KCNMB2: variants seen among roughly 807,000 people sequenced by gnomAD.
The protein encoded by KCNMB2 is potassium calcium-activated channel subfamily M regulatory beta subunit 2.
In KCNMB2, 9 loss-of-function variants were observed where a neutral mutation model predicts 24.5. That is an observed-to-expected ratio of 0.37 (90% CI 0.22 to 0.64). KCNMB2 has a LOEUF of 0.64. KCNMB2 is among the 30% of genes least tolerant of loss of function. The pLI, the probability that KCNMB2 is intolerant of heterozygous loss-of-function variation, is 0.63. For synonymous variants in KCNMB2, 109 were observed against 104.4 expected, an observed-to-expected ratio of 1.04 and a Z score of -0.27; for missense variants, 226 against 284.3, an observed-to-expected ratio of 0.79 and a Z score of 1.47.
chr3:178,797,516 G>A (rs1355537623), intron 1 of KCNMB2, among the ~76,000 whole-genome samples: 1 of 152,100 alleles, frequency 6.6e-6, no homozygotes, highest in Non-Finnish European at 1.5e-5. Flanking sequence ...ACATTAAAAA[G>A]ATAATTCATC....
chr3:178,557,835 A>C (rs551444413), intron 1 of KCNMB2, among the ~76,000 whole-genome samples: 1 of 152,188 alleles, frequency 6.6e-6, no homozygotes, highest in Non-Finnish European at 1.5e-5. Context: ...AATTATGAGT[A>C]AACTAGGGTT....
At chr3:178,554,062 C>T (rs894890326) in intron 1 of KCNMB2, among the ~76,000 whole-genome samples, 5 of 152,040 alleles carry the variant, frequency 3.3e-5, no homozygotes, top group African/African-American at 1.2e-4. Flanking sequence ...ATGATTATCT[C>T]ATCTCATGCT....
intron 1 of KCNMB2, among the ~76,000 whole-genome samples, chr3:178,537,985 T>C (rs1715465059): frequency 6.6e-6 from 1 of 152,192 alleles, no homozygotes; most frequent in African/African-American, 2.4e-5. Flanking sequence ...AGAAATAAAA[T>C]TGGAAGATGA....
At chr3:178,774,961 A>C (rs879328770) in intron 1 of KCNMB2, among the ~76,000 whole-genome samples, 4 of 152,328 alleles carry the variant, frequency 2.6e-5, no homozygotes, top group South Asian at 2.1e-4. Context: ...AAAGAGTTCA[A>C]CTTCTGGAGG....
At chr3:178,737,379 T>G (rs1039121412) in intron 1 of KCNMB2, among the ~76,000 whole-genome samples, 1 of 152,108 alleles carries the variant, frequency 6.6e-6, no homozygotes, top group Non-Finnish European at 1.5e-5. Flanking sequence ...AACAGGGTTG[T>G]TTGTTTGTTT....
intron 1 of KCNMB2, among the ~76,000 whole-genome samples, chr3:178,581,568 G>C (rs1717205389): frequency 6.6e-6 from 1 of 152,194 alleles, no homozygotes; most frequent in African/African-American, 2.4e-5. Flanking sequence ...ACTATCATCA[G>C]AGTGGTCAGG....
At chr3:178,731,889 G>A (rs1723163098) in intron 1 of KCNMB2, among the ~76,000 whole-genome samples, 1 of 152,200 alleles carries the variant, frequency 6.6e-6, no homozygotes, top group African/African-American at 2.4e-5. Context: ...GGCAACAAGA[G>A]CGAAACTCCG....
chr3:178,785,424 A>G (rs1053124504), intron 1 of KCNMB2, among the ~76,000 whole-genome samples: 14 of 152,008 alleles, frequency 9.2e-5, no homozygotes, highest in Non-Finnish European at 1.9e-4. Flanking sequence ...ATACAGAATG[A>G]CAGTGAGGAA....
intron 1 of KCNMB2, among the ~76,000 whole-genome samples, chr3:178,615,493 CT>C (rs1446904251): frequency 6.6e-6 from 1 of 152,206 alleles, no homozygotes. Context: ...CACAGACGCA[CT>C]TGTTCCTACT....
intron 1 of KCNMB2, among the ~76,000 whole-genome samples, chr3:178,574,966 G>A (rs1716938895): frequency 6.6e-6 from 1 of 152,096 alleles, no homozygotes; most frequent in Non-Finnish European, 1.5e-5. Flanking sequence ...TACTCGGGAG[G>A]CTAAGGCAGG....
In KCNMB2 at chr3:178,542,874, T is replaced by C. The variant is rs80271184; in HGVS notation, c.-68+6163T>C. 7.6e-3 allele frequency among the ~76,000 whole-genome samples: 1,150 copies of C among 152,248 alleles called. 15 individuals are homozygous for C. Among genetic ancestry groups the C allele is most frequent in the African/African-American group, 0.027 (1,107 of 41,548 alleles). On this transcript the variant is annotated intron_variant, in intron 1 of 4. Coordinates refer to ENST00000452583, the MANE Select transcript of KCNMB2 (RefSeq NM_181361.3). ...TCTTGGTTTGAATCCCAGTTCTGCG[T>C]CTTGCCTGAGTCTCCCTTTCCTCAG...
intron 1 of KCNMB2, among the ~76,000 whole-genome samples, chr3:178,624,513 A>C (rs1042441809): frequency 7.9e-5 from 12 of 151,832 alleles, no homozygotes; most frequent in Non-Finnish European, 1.5e-4. Context: ...GATCCATTTG[A>C]CCTCTATGTT....
intron 1 of KCNMB2, among the ~76,000 whole-genome samples, chr3:178,640,305 C>T (rs1268317963): frequency 6.6e-6 from 1 of 152,136 alleles, no homozygotes; most frequent in Non-Finnish European, 1.5e-5. Flanking sequence ...TGGGAGGCCT[C>T]AGGAAACTTA....
chr3:178,757,948 TATAGA>T lies in KCNMB2; in HGVS notation c.-67-49394_-67-49390del, dbSNP rs1407419589. Among the ~76,000 whole-genome samples, 3 of 116,022 alleles carry T rather than the reference TATAGA, an allele frequency of 2.6e-5. 1 individual carries two copies. The highest frequency in any genetic ancestry group is 6.6e-5 in the African/African-American group (2 of 30,380). 76.1% of individuals were successfully genotyped at this position (116,022 alleles called of 152,430 possible). ...GGATATATATATACACAAGGGGATA[TATAGA>T]CACAAGAGGATATATATATAGACAC... On this transcript the variant is annotated intron_variant, in intron 1 of 4. Coordinates refer to ENST00000452583, the MANE Select transcript of KCNMB2 (RefSeq NM_181361.3).
At chr3:178,680,454 C>A (rs558572860) in intron 1 of KCNMB2, among the ~76,000 whole-genome samples, 1 of 152,126 alleles carries the variant, frequency 6.6e-6, no homozygotes, top group Admixed American at 6.5e-5. Context: ...TTCTTTATTT[C>A]CAAAGATTTT....
intron 1 of KCNMB2, among the ~76,000 whole-genome samples, chr3:178,794,008 A>G (rs976412994): frequency 2.6e-5 from 4 of 152,182 alleles, no homozygotes; most frequent in African/African-American, 9.7e-5. Flanking sequence ...GTGGATGGAC[A>G]TCAACACCAA....
intron 1 of KCNMB2, among the ~76,000 whole-genome samples, chr3:178,717,984 T>C (rs146526297): frequency 2.5e-4 from 38 of 152,344 alleles, no homozygotes; most frequent in Admixed American, 8.5e-4. Context: ...AGAGACTTAC[T>C]TATTTTGTTT....
At chr3:178,609,244 T>C (rs987045850) in intron 1 of KCNMB2, among the ~76,000 whole-genome samples, 11 of 152,250 alleles carry the variant, frequency 7.2e-5, no homozygotes, top group Non-Finnish European at 1.5e-4. Flanking sequence ...TCAGTGATGT[T>C]GAGCACCTTT....
At chr3:178,640,261 C>T (rs1163259041) in intron 1 of KCNMB2, among the ~76,000 whole-genome samples, 2 of 152,124 alleles carry the variant, frequency 1.3e-5, no homozygotes, top group African/African-American at 2.4e-5. Flanking sequence ...GTTTAATTGA[C>T]TTACAGTTCC....
Sources: gnomAD v4.1 joint callset for allele counts (sites outside exome capture counted in the v4.1 genomes callset) on GRCh38, gnomAD v4.1.1 for gene constraint, MANE v1.5 for transcripts, NCBI Gene and HGNC (gene_info 2026-07-23, HGNC 2026-07-21) for gene names.